Variants in IGDCC3 observed in about 807,000 individuals in gnomAD.
IGDCC3 encodes the protein immunoglobulin superfamily DCC subclass member 3.
IGDCC3 carries 47 observed loss-of-function variants against 72.0 expected under a neutral mutation model. The observed-to-expected ratio is 0.65, with a 90% CI of 0.52 to 0.83. The LOEUF is 0.83. Among genes scored for constraint, IGDCC3 ranks in the 40% least tolerant of loss-of-function variants. The pLI, the probability that IGDCC3 is intolerant of heterozygous loss-of-function variation, is 0.00. For missense variants in IGDCC3, 1,038 were observed against 1,091.3 expected, an observed-to-expected ratio of 0.95 and a Z score of 0.69; for synonymous variants, 477 against 472.8, an observed-to-expected ratio of 1.01 and a Z score of -0.11.
intron 2 of IGDCC3, among the ~76,000 whole-genome samples, chr15:65,345,002 C>G (rs1209541319): frequency 6.6e-6 from 1 of 152,168 alleles, no homozygotes; most frequent in Non-Finnish European, 1.5e-5. Context: ...CAAAAGCAGT[C>G]CCAGTTTCGA....
intron 2 of IGDCC3, among the ~76,000 whole-genome samples, chr15:65,340,443 G>A (rs1420938159): frequency 6.6e-6 from 1 of 152,180 alleles, no homozygotes; most frequent in East Asian, 1.9e-4. Flanking sequence ...TTGCAAAAGC[G>A]AGGGGCCCTG....
chr15:65,375,006 G>C, intron 2 of IGDCC3, 91 bp downstream of exon 2: 1 of 1,163,958 alleles, frequency 8.6e-7, no homozygotes, highest in Non-Finnish European at 1.2e-6. Context: ...GGCTGCATAA[G>C]ATGGGACTGC....
chr15:65,334,458 G>A, intron 5 of IGDCC3: 1 of 440,996 alleles, frequency 2.3e-6, no homozygotes. Flanking sequence ...CCGAGGCCAG[G>A]GTGAGGGGAG....
rs2090983375 is a variant in IGDCC3 at position 65,332,088 on chromosome 15, T to C, written c.1001A>G (p.Gln334Arg). Residue 334 changes from glutamine to arginine, a missense_variant, in exon 7 of 14, where the codon CAG becomes CGG. By Grantham distance (43) the Gln-to-Arg change is conservative. Transcript: ENST00000327987. ...LVVQAPAEFV[Q>R]HPQSISRPAG... is the part of the protein sequence containing the mutation. Reference sequence around the variant, plus strand: ...TGGCCTGGAGATGGACTGGGGATGCTGCACAAACTCAGCTGGGGCTGCGAG... The same window carrying C: ...TGGCCTGGAGATGGACTGGGGATGCCGCACAAACTCAGCTGGGGCTGCGAG... 1 of 1,613,582 alleles carries C rather than the reference T, an allele frequency of 6.2e-7. No individual in the cohort carries two copies. Among genetic ancestry groups the C allele is most frequent in the Non-Finnish European group, 8.5e-7 (1 of 1,179,880 alleles).
At chr15:65,346,218 T>TA (rs1445814820) in intron 2 of IGDCC3, among the ~76,000 whole-genome samples, 3 of 152,028 alleles carry the variant, frequency 2.0e-5, no homozygotes, top group African/African-American at 7.3e-5. Context: ...TCCTAATTTC[T>TA]ATTAATACAG....
chr15:65,329,025 C>A lies in IGDCC3; in HGVS notation c.2329G>T (p.Ala777Ser), dbSNP rs527433261. ...GGTGGTGGGGCAGCCGCCAGGCCGG[C>A]GCAGGGAGCCGTGGCCTCTGTGGTC... ...AKTTEATAPC[A>S]GLAAAPPPPD... is the part of the protein sequence containing the mutation. The change falls in exon 14 of 14, where the codon GCC becomes TCC. Residue 777 changes from alanine (A) to serine (S), a missense_variant. By Grantham distance (99) the Ala-to-Ser change is moderately conservative. Coordinates refer to ENST00000327987, the MANE Select transcript of IGDCC3 (RefSeq NM_004884.4). This position sits in a 1 kb window ranked among gnomAD's most constrained non-coding sequence, Gnocchi z 4.1. 3 of 1,612,212 alleles carry A rather than the reference C, an allele frequency of 1.9e-6. No homozygotes were observed. The highest frequency in any genetic ancestry group is 2.2e-5 in the East Asian group (1 of 44,808).
In IGDCC3 at chr15:65,330,159, C is replaced by T. The variant is rs543218228; in HGVS notation, c.1858+134G>A. On this transcript the variant is annotated intron_variant, in intron 11 of 13. Coordinates refer to ENST00000327987, the MANE Select transcript of IGDCC3 (RefSeq NM_004884.4). ...GTTAAGTAACTTGACCAAGGTCACA[C>T]AGCCAGCATGTGCATGGCCAAGCTT... The T allele has an allele frequency of 1.2e-3, 862 of 741,546 alleles. 11 individuals are homozygous for T. The South Asian group carries it at 0.014, about 12-fold the overall frequency. 45.9% of individuals were successfully genotyped at this position (741,546 alleles called of 1,614,324 possible). A position where few individuals can be genotyped will look rare whatever the true frequency, so the allele number is the denominator to read the frequency against.
At chr15:65,367,699 A>ATTTTATT in intron 2 of IGDCC3, among the ~76,000 whole-genome samples, 1 of 152,098 alleles carries the variant, frequency 6.6e-6, no homozygotes, top group South Asian at 2.1e-4. Context: ...TGGTTGGGTA[A>ATTTTATT]GGGTCAGTCC....
At chr15:65,352,159 G>T (rs2091178858) in intron 2 of IGDCC3, among the ~76,000 whole-genome samples, 1 of 152,142 alleles carries the variant, frequency 6.6e-6, no homozygotes, top group South Asian at 2.1e-4. Flanking sequence ...TTAAAACGTT[G>T]CTGATCCTTT....
chr15:65,355,859 C>G (rs2091216445), intron 2 of IGDCC3: 1 of 366,130 alleles, frequency 2.7e-6, no homozygotes, highest in Non-Finnish European at 5.8e-6. Flanking sequence ...CCCGCCACCC[C>G]CTCCCCCAGA....
intron 2 of IGDCC3, among the ~76,000 whole-genome samples, chr15:65,370,148 A>ATACC (rs1017774993): frequency 1.3e-5 from 2 of 152,060 alleles, no homozygotes; most frequent in African/African-American, 4.8e-5. Context: ...TCCGGGAATG[A>ATACC]TACCACAACT....
rs144858962 is a variant in IGDCC3, at chr15:65,329,131, G to A, written c.2223C>T (p.Pro741=). The A allele has an allele frequency of 2.6e-4, 420 of 1,607,360 alleles. 1 individual carries two copies. Among genetic ancestry groups the A allele is most frequent in the Admixed American group, 8.9e-4 (52 of 58,540 alleles). Residue 741 remains proline, a synonymous_variant, in exon 14 of 14, where the codon CCC becomes CCT. Transcript: ENST00000327987. The surrounding 1 kb of genome is among the most constrained non-coding windows in gnomAD (Gnocchi z 4.1). Reference sequence around the variant, plus strand: ...AGAGCTGGGTCTCCTCACACGGAGCGGGGGCTGCAGGATCCTGCTGGGGAA... The same window carrying A: ...AGAGCTGGGTCTCCTCACACGGAGCAGGGGCTGCAGGATCCTGCTGGGGAA... ...DPRPTQDPAA[P]APCEETQLSV...
chr15:65,338,898 ATTTT>A (rs961334199), intron 2 of IGDCC3, among the ~76,000 whole-genome samples: 20 of 151,486 alleles, frequency 1.3e-4, no homozygotes, highest in Non-Finnish European at 2.7e-4. Flanking sequence ...AAGCAATAGT[ATTTT>A]TTCTTTTTTT....
At position 65,377,726 on chromosome 15, in the gene IGDCC3, C is replaced by A; in HGVS notation, c.63G>T (p.Leu21=). The change falls in exon 1 of 14, where the codon CTG becomes CTT. Residue 21 remains leucine (L), a synonymous_variant. Transcript: ENST00000327987. This position sits in a 1 kb window ranked among gnomAD's most constrained non-coding sequence, Gnocchi z 4.9. ...RPPAPLWPRL[L]LPLLLLLLPA... is the part of the protein sequence containing the mutation. Reference sequence around the variant, plus strand: ...GCAGCAGCAGCAACAGCAGCGGCAGCAGGAGCCGGGGCCAGAGCGGGGCGG... The same window carrying A: ...GCAGCAGCAGCAACAGCAGCGGCAGAAGGAGCCGGGGCCAGAGCGGGGCGG... 5 of 1,374,914 alleles carry A rather than the reference C, an allele frequency of 3.6e-6. No individual in the cohort carries two copies. Among genetic ancestry groups the A allele is most frequent in the South Asian group, 3.3e-5 (2 of 60,104 alleles). 85.2% of individuals were successfully genotyped at this position (1,374,914 alleles called of 1,614,324 possible). A position where few individuals can be genotyped will look rare whatever the true frequency, so the allele number is the denominator to read the frequency against.
At chr15:65,362,865 TTTTTTTTTA>T (rs2091270122) in intron 2 of IGDCC3, among the ~76,000 whole-genome samples, 1 of 142,988 alleles carries the variant, frequency 7.0e-6, no homozygotes, top group African/African-American at 2.6e-5. Context: ...TTTTTTTTTT[TTTTTTTTTA>T]GACAGAGTCT....
chr15:65,335,509 G>T, intron 3 of IGDCC3, 88 bp from the exon 4 acceptor site: 3 of 1,372,476 alleles, frequency 2.2e-6, no homozygotes, highest in Non-Finnish European at 3.0e-6. Flanking sequence ...ATACAGCCCA[G>T]GACCTAAGCA....
At position 65,377,211 on chromosome 15, in the gene IGDCC3, G is replaced by A. The variant is rs1279879741; in HGVS notation, c.103+475C>T. On this transcript the variant is annotated intron_variant, in intron 1 of 13. Transcript: ENST00000327987. The surrounding 1 kb of genome is among the most constrained non-coding windows in gnomAD (Gnocchi z 4.9). ...CAGCCCAGTACCAGCTCCAAATGCA[G>A]GTCGTGCCATCTCCGCCCAGTGCAG... Among the ~76,000 whole-genome samples, 4 of 152,142 alleles carry A rather than the reference G, an allele frequency of 2.6e-5. No individual in the cohort carries two copies. The highest frequency in any genetic ancestry group is 2.1e-4 in the South Asian group (1 of 4,826).
At chr15:65,331,690 C>T in intron 7 of IGDCC3, 31 bp from the exon 8 acceptor site, 1 of 1,558,286 alleles carries the variant, frequency 6.4e-7, no homozygotes, top group Non-Finnish European at 8.7e-7. Flanking sequence ...CTCAGGTTCC[C>T]TCCTCCCTGG....
chr15:65,376,944 C>T (rs1354244291), intron 1 of IGDCC3, among the ~76,000 whole-genome samples: 1 of 152,116 alleles, frequency 6.6e-6, no homozygotes, highest in Non-Finnish European at 1.5e-5. Context: ...GAGCTCCAGG[C>T]AGCAGAGCCG....
Sources: gnomAD v4.1 joint callset for allele counts (sites outside exome capture counted in the v4.1 genomes callset) on GRCh38, gnomAD v4.1.1 for gene constraint, Gnocchi (gnomAD v3.1) non-coding constraint, MANE v1.5 for transcripts, NCBI Gene and HGNC (gene_info 2026-07-23, HGNC 2026-07-21) for gene names.